The following VWF variants were observed in gnomAD, a reference collection of about 807,000 sequenced individuals.
The protein encoded by VWF is von Willebrand factor.
VWF carries 176 observed loss-of-function variants against 308.6 expected under a neutral mutation model. The ratio of observed to expected loss-of-function variants is 0.57; its 90% CI spans 0.50 to 0.65. The LOEUF is 0.65. VWF is among the 30% of genes least tolerant of loss of function. The probability of loss-of-function intolerance (pLI) is 0.00; values close to 1 mark genes in which losing one functional copy is unlikely to be tolerated. For missense variants in VWF, 3,146 were observed against 3,648.2 expected (o/e 0.86, Z 3.55); for synonymous variants, 1,385 against 1,443.4 (o/e 0.96, Z 0.92).
chr12:6,111,817 G>A (rs1395828067), intron 3 of VWF, among the ~76,000 whole-genome samples: 1 of 151,968 alleles, frequency 6.6e-6, no homozygotes, highest in Non-Finnish European at 1.5e-5. Flanking sequence ...AATTAGCCAG[G>A]CGAGGTGGCT....
Position 5,976,254 on chromosome 12 carries a change from C to A in VWF, c.7294G>T (p.Val2432Phe). The A allele has an allele frequency of 6.2e-7, 1 of 1,614,160 alleles. No individual in the cohort carries two copies. The highest frequency in any genetic ancestry group is 1.1e-5 in the South Asian group (1 of 91,084). Reference sequence around the variant, plus strand: ...ACAGGGTAGATGGTGCTTCGGTGGACACACACCTGTAGACATAAGTTTTCG... The same window carrying A: ...ACAGGGTAGATGGTGCTTCGGTGGAAACACACCTGTAGACATAAGTTTTCG... ...TTTCLPDKVCVHRSTIYPVGQ... is the reference protein window; with the variant it reads ...TTTCLPDKVCFHRSTIYPVGQ... Residue 2432 changes from valine to phenylalanine, a missense_variant, in exon 43 of 52, where the codon GTC (valine) becomes TTC (phenylalanine). By Grantham distance (50) the Val-to-Phe change is conservative (BLOSUM62 -1). This residue lies in a region of VWF where 989 missense variants were observed against 1,117.4 expected (regional missense o/e 0.89). Coordinates refer to ENST00000261405, the MANE Select transcript of VWF (RefSeq NM_000552.5).
rs567966238 is a variant in VWF at position 6,100,455 on chromosome 12, C to T, written c.533-4871G>A. On this transcript the variant is annotated intron_variant, in intron 5 of 51. Coordinates refer to ENST00000261405, the MANE Select transcript of VWF (RefSeq NM_000552.5). ...GACACATGCACACGTGTGTTTATTG[C>T]GGCACTATTCACAATAGCAAAGACT... Among the ~76,000 whole-genome samples the T allele has an allele frequency of 1.3e-3, 192 of 151,086 alleles. 1 individual carries two copies. Among genetic ancestry groups the T allele is most frequent in the South Asian group, 0.011 (51 of 4,810 alleles).
At chr12:6,040,565 G>A (rs893062586) in intron 18 of VWF, among the ~76,000 whole-genome samples, 7 of 152,126 alleles carry the variant, frequency 4.6e-5, no homozygotes, top group Admixed American at 6.6e-5. Context: ...AAATTAAGAC[G>A]CCAAGATGTT....
At chr12:5,967,460 C>G in intron 47 of VWF, 26 bp downstream of exon 47, 1 of 1,607,410 alleles carries the variant, frequency 6.2e-7, no homozygotes, top group Non-Finnish European at 8.5e-7. Context: ...AGTCCATGCC[C>G]TCGGTCCCCA....
chr12:5,979,473 C>T (rs1943569077), intron 42 of VWF, among the ~76,000 whole-genome samples: 1 of 152,204 alleles, frequency 6.6e-6, no homozygotes, highest in African/African-American at 2.4e-5. Context: ...ATAGCTGGGC[C>T]AGGCATGGTG....
chr12:5,975,053 G>A (rs183815822), intron 43 of VWF, among the ~76,000 whole-genome samples: 1 of 152,134 alleles, frequency 6.6e-6, no homozygotes, highest in Non-Finnish European at 1.5e-5. Flanking sequence ...AAAACCAAAG[G>A]GTTTCCAAAA....
chr12:6,065,013 G>A, intron 11 of VWF, 124 bp downstream of exon 11: 1 of 1,426,492 alleles, frequency 7.0e-7, no homozygotes, highest in South Asian at 1.2e-5. Context: ...CTGAAGTCTG[G>A]AAGAGACCTC....
Position 5,961,350 on chromosome 12 carries a change from T to G in VWF, c.7887+6136A>C, listed in dbSNP as rs559709659. 3.1e-3 allele frequency among the ~76,000 whole-genome samples: 465 copies of G among 152,288 alleles called. 4 individuals carry two copies. The highest frequency in any genetic ancestry group is 0.01 in the African/African-American group (432 of 41,558). ...AACTGGTCCCTGGTGCCAAAAAGGT[T>G]GGGCACTGCTGCTGTTGAACACACA... On this transcript the variant is annotated intron_variant, in intron 47 of 51. Coordinates refer to ENST00000261405, the MANE Select transcript of VWF (RefSeq NM_000552.5).
rs143207970 is a variant in VWF at position 5,998,774 on chromosome 12, C to T, written c.5843-2552G>A. On this transcript the variant is annotated intron_variant, in intron 34 of 51. Transcript: ENST00000261405. ...AGAAGTGTCACTCTTGTCACCAAGG[C>T]CAGAGCGCAATGGCGCGATCTTGGC... Among the ~76,000 whole-genome samples the T allele has an allele frequency of 1.3e-3, 195 of 152,048 alleles. 2 individuals are homozygous for T. Among genetic ancestry groups the T allele is most frequent in the African/African-American group, 4.5e-3 (185 of 41,472 alleles).
At chr12:5,987,795 G>A (rs939597145) in intron 38 of VWF, among the ~76,000 whole-genome samples, 11 of 152,144 alleles carry the variant, frequency 7.2e-5, no homozygotes, top group Non-Finnish European at 1.5e-4. Context: ...AAATGTAAAC[G>A]AATCTATAGT....
intron 38 of VWF, among the ~76,000 whole-genome samples, chr12:5,989,255 G>A (rs1943711361): frequency 6.6e-6 from 1 of 152,132 alleles, no homozygotes; most frequent in Non-Finnish European, 1.5e-5. Context: ...ATAAACAAGA[G>A]CTATGAAAAC....
chr12:6,105,758 C>T (rs1244939553), intron 5 of VWF, among the ~76,000 whole-genome samples: 2 of 151,938 alleles, frequency 1.3e-5, no homozygotes, highest in East Asian at 1.9e-4. Context: ...AGAATTGAGC[C>T]GGACGCGGTG....
chr12:6,001,051 A>G (rs1346433208), intron 34 of VWF, among the ~76,000 whole-genome samples: 3 of 152,172 alleles, frequency 2.0e-5, no homozygotes, highest in Admixed American at 1.3e-4. Flanking sequence ...GAATAACCTC[A>G]TTGATTGTTG....
intron 10 of VWF, among the ~76,000 whole-genome samples, chr12:6,070,767 G>T (rs565245491): frequency 6.6e-6 from 1 of 152,190 alleles, no homozygotes; most frequent in Non-Finnish European, 1.5e-5. Context: ...GGCAGAGATT[G>T]CTCAATAATT....
intron 6 of VWF, among the ~76,000 whole-genome samples, chr12:6,088,873 G>C: frequency 6.6e-6 from 1 of 152,242 alleles, no homozygotes; most frequent in Admixed American, 6.5e-5. Context: ...AGTGGAGACA[G>C]GCATTGGGTT....
At position 6,093,597 on chromosome 12, in the gene VWF, CA is replaced by C. The variant is rs1945073974; in HGVS notation, c.657+1862del. The stretch of plus-strand genomic sequence containing the variant: ...AGCACCACCAAGGAACCTTGCTCCT[CA>C]GATGATGAGTCTCTGAGCACAATCC... On this transcript the variant is annotated intron_variant, in intron 6 of 51. Transcript: ENST00000261405. Among the ~76,000 whole-genome samples the C allele has an allele frequency of 3.9e-5, 6 of 152,346 alleles. 1 individual carries two copies. In the South Asian group the frequency reaches 1.2e-3, roughly 32 times the overall value.
At position 6,011,804 on chromosome 12, in the gene VWF, A is replaced by G; in HGVS notation, c.5665-10T>C. The G allele has an allele frequency of 6.3e-7, 1 of 1,598,860 alleles. No individual in the cohort carries two copies. The highest frequency in any genetic ancestry group is 1.3e-5 in the African/African-American group (1 of 74,580). On this transcript the variant is annotated splice_polypyrimidine_tract_variant and intron_variant, in intron 33 of 51. Coordinates refer to ENST00000261405, the MANE Select transcript of VWF (RefSeq NM_000552.5). ...TCCAGACGTCCCCGGGCTGCAGAAGAAAACAGCAGATTCAGGCAGGGAATA... is the reference window on the plus strand; with the variant it reads ...TCCAGACGTCCCCGGGCTGCAGAAGGAAACAGCAGATTCAGGCAGGGAATA...
intron 48 of VWF, among the ~76,000 whole-genome samples, chr12:5,953,204 C>T (rs986970036): frequency 6.6e-6 from 1 of 151,626 alleles, no homozygotes; most frequent in Non-Finnish European, 1.5e-5. Flanking sequence ...TCCAGCCTGG[C>T]AACAGAGCAA....
At chr12:5,964,179 T>A (rs905380806) in intron 47 of VWF, among the ~76,000 whole-genome samples, 2 of 142,110 alleles carry the variant, frequency 1.4e-5, no homozygotes, top group Middle Eastern at 3.5e-3. Context: ...ATCTCACCAC[T>A]GCACTCCAGC....
Sources: allele counts gnomAD v4.1 joint callset (sites outside exome capture counted in the v4.1 genomes callset), GRCh38; gene constraint gnomAD v4.1.1; regional missense constraint gnomAD v4.1.1; transcripts MANE v1.5; gene names NCBI Gene and HGNC (gene_info 2026-07-23, HGNC 2026-07-21).